GALNT18: variants seen among roughly 807,000 people sequenced by gnomAD.
The protein encoded by GALNT18 is GalNAc-transferase 18.
Under a neutral mutation model 69.5 loss-of-function variants are expected in GALNT18, and 44 were observed. The observed-to-expected ratio is 0.63, with a 90% confidence interval of 0.50 to 0.81. The LOEUF (loss-of-function observed/expected upper bound fraction) is 0.81, where lower values mean the gene tolerates loss of function less well. Among genes scored for constraint, GALNT18 ranks in the 40% least tolerant of loss-of-function variants. The pLI is 0.00. For synonymous variants in GALNT18, 364 were observed against 318.2 expected, an observed-to-expected ratio of 1.14 and a Z score of -1.53; for missense variants, 715 against 810.0, an observed-to-expected ratio of 0.88 and a Z score of 1.42.
intron 1 of GALNT18, among the ~76,000 whole-genome samples, chr11:11,483,387 G>A (rs1856574754): frequency 6.6e-6 from 1 of 152,214 alleles, no homozygotes; most frequent in Non-Finnish European, 1.5e-5. Context: ...CAGCTCTGAA[G>A]TCTCCTCATC....
In GALNT18 at chr11:11,604,801, A is replaced by C. The variant is rs952551674; in HGVS notation, c.235+16558T>G. 2.0e-5 allele frequency among the ~76,000 whole-genome samples: 3 copies of C among 152,114 alleles called. No homozygotes were observed. The highest frequency in any genetic ancestry group is 7.2e-5 in the African/African-American group (3 of 41,410). On this transcript the variant is annotated intron_variant, in intron 1 of 10. Coordinates refer to ENST00000227756, the MANE Select transcript of GALNT18 (RefSeq NM_198516.3). This position sits in a 1 kb window ranked among gnomAD's most constrained non-coding sequence, Gnocchi z 5.6. The stretch of plus-strand genomic sequence containing the variant: ...CTAGCTCAGCCATGCAGGGAGGCAT[A>C]ATTAGTTTCCCGGCCCATAGCTTCA...
chr11:11,414,670 T>C (rs1436423033), intron 3 of GALNT18, among the ~76,000 whole-genome samples: 1 of 152,232 alleles, frequency 6.6e-6, no homozygotes, highest in Non-Finnish European at 1.5e-5. Flanking sequence ...TTGTTTCTTG[T>C]CTGTCTCCCA....
chr11:11,527,358 C>A (rs1218811350), intron 1 of GALNT18, among the ~76,000 whole-genome samples: 1 of 152,210 alleles, frequency 6.6e-6, no homozygotes, highest in Non-Finnish European at 1.5e-5. Context: ...TTTACCCCTG[C>A]AGATACTTGT....
rs1385484675 is a variant in GALNT18, at chr11:11,372,393, T to C, written c.1092+122A>G. 9 of 739,430 alleles carry C rather than the reference T, an allele frequency of 1.2e-5. No homozygotes were observed. The highest frequency in any genetic ancestry group is 2.1e-5 in the Non-Finnish European group (9 of 430,878). 45.8% of individuals were successfully genotyped at this position (739,430 alleles called of 1,614,324 possible). ...TCCCAATCCCAATCACACACAGGAT[T>C]CAGGACTGGACATTCAGAATCAGTC... On this transcript the variant is annotated intron_variant, in intron 6 of 10. Coordinates refer to ENST00000227756, the MANE Select transcript of GALNT18 (RefSeq NM_198516.3). The surrounding 1 kb of genome is among the most constrained non-coding windows in gnomAD (Gnocchi z 4.9).
chr11:11,593,449 C>T (rs745346072), intron 1 of GALNT18, among the ~76,000 whole-genome samples: 3 of 152,216 alleles, frequency 2.0e-5, no homozygotes, highest in Non-Finnish European at 2.9e-5. Context: ...TACTATGAAG[C>T]TTGGCCTTCC....
At chr11:11,280,666 C>T (rs146085061) in intron 10 of GALNT18, among the ~76,000 whole-genome samples, 1 of 152,150 alleles carries the variant, frequency 6.6e-6, no homozygotes, top group Non-Finnish European at 1.5e-5. Flanking sequence ...ACTGGTTGCC[C>T]TCCTTTGAAC....
chr11:11,519,857 A>T (rs1857356471), intron 1 of GALNT18, among the ~76,000 whole-genome samples: 1 of 152,172 alleles, frequency 6.6e-6, no homozygotes, highest in African/African-American at 2.4e-5. Context: ...CAGGTATATA[A>T]AGTCTGTGGG....
chr11:11,329,407 G>T (rs1849980741), intron 8 of GALNT18, among the ~76,000 whole-genome samples: 1 of 152,144 alleles, frequency 6.6e-6, no homozygotes, highest in African/African-American at 2.4e-5. Flanking sequence ...TGAAGGAACT[G>T]TGGTGTAGTA....
Position 11,279,598 on chromosome 11 carries a change from T to TTGATAA in GALNT18, c.1678-8309_1678-8308insTTATCA, listed in dbSNP as rs1288973677. 7.0e-3 allele frequency among the ~76,000 whole-genome samples: 597 copies of TTGATAA among 85,348 alleles called. 7 individuals are homozygous for TTGATAA. The highest frequency in any genetic ancestry group is 0.019 in the African/African-American group (559 of 29,506). 56.0% of individuals were successfully genotyped at this position (85,348 alleles called of 152,430 possible). On this transcript the variant is annotated intron_variant, in intron 10 of 10. Transcript: ENST00000227756. ...ATAGCAACAAAAACTATAGCTATAC[T>TTGATAA]CGATAAATCTCACCAATACAATGTC...
chr11:11,561,595 G>C (rs183891931), intron 1 of GALNT18, among the ~76,000 whole-genome samples: 1 of 152,216 alleles, frequency 6.6e-6, no homozygotes, highest in Non-Finnish European at 1.5e-5. Context: ...GGAAAGGCTC[G>C]TTGACCTCAT....
At chr11:11,512,730 T>A (rs927274565) in intron 1 of GALNT18, among the ~76,000 whole-genome samples, 1 of 152,226 alleles carries the variant, frequency 6.6e-6, no homozygotes, top group African/African-American at 2.4e-5. Flanking sequence ...TGGCGGCACC[T>A]GAGGCCTGGG....
intron 1 of GALNT18, among the ~76,000 whole-genome samples, chr11:11,477,812 T>C (rs572587731): frequency 6.6e-5 from 10 of 152,208 alleles, no homozygotes; most frequent in Admixed American, 2.6e-4. Context: ...ATAACAAAGA[T>C]ACAGATGCTT....
At chr11:11,549,565 G>C (rs1275563839) in intron 1 of GALNT18, among the ~76,000 whole-genome samples, 2 of 152,214 alleles carry the variant, frequency 1.3e-5, no homozygotes, top group African/African-American at 4.8e-5. Context: ...GGCCACCTTG[G>C]TCCTTAAGTG....
chr11:11,502,121 G>A (rs903766592), intron 1 of GALNT18, among the ~76,000 whole-genome samples: 2 of 149,668 alleles, frequency 1.3e-5, no homozygotes, highest in Admixed American at 6.7e-5. Context: ...CTCGTTTGAG[G>A]ATAAAGTGCC....
At position 11,340,781 on chromosome 11, in the gene GALNT18, C is replaced by A. The variant is rs751358045; in HGVS notation, c.1278+38G>T. On this transcript the variant is annotated intron_variant, in intron 7 of 10. Coordinates refer to ENST00000227756, the MANE Select transcript of GALNT18 (RefSeq NM_198516.3). This position sits in a 1 kb window ranked among gnomAD's most constrained non-coding sequence, Gnocchi z 4.2. ...ATATCTTGTTTTGTTTGTTTTCCAC[C>A]AATCCCCGAGAAACTCATCCCTACC... The A allele has an allele frequency of 4.5e-6, 7 of 1,552,562 alleles. No individual in the cohort carries two copies. Among genetic ancestry groups the A allele is most frequent in the South Asian group, 2.4e-5 (2 of 82,832 alleles).
chr11:11,493,523 T>G (rs1171579457), intron 1 of GALNT18, among the ~76,000 whole-genome samples: 2 of 152,120 alleles, frequency 1.3e-5, no homozygotes, highest in Non-Finnish European at 2.9e-5. Flanking sequence ...TAGCCAATAT[T>G]GAGGAATTGT....
intron 9 of GALNT18, among the ~76,000 whole-genome samples, chr11:11,293,533 C>T (rs1020008611): frequency 1.0e-3 from 81 of 80,186 alleles, no homozygotes; most frequent in African/African-American, 3.7e-3. Flanking sequence ...ACAAACCCCT[C>T]TTTTTTTTTT....
chr11:11,352,698 A>T (rs1850439334), intron 6 of GALNT18: 1 of 1,614,154 alleles, frequency 6.2e-7, no homozygotes, highest in Non-Finnish European at 8.5e-7. Flanking sequence ...CAGGGCCTTC[A>T]GAATCTCATA....
intron 6 of GALNT18, among the ~76,000 whole-genome samples, chr11:11,350,408 C>G (rs1051583089): frequency 1.3e-5 from 2 of 152,176 alleles, no homozygotes; most frequent in African/African-American, 4.8e-5. Context: ...CCAAGAAGGG[C>G]TTATTCGTGG....
Sources: gnomAD v4.1 joint callset for allele counts (sites outside exome capture counted in the v4.1 genomes callset) on GRCh38, gnomAD v4.1.1 for gene constraint, Gnocchi (gnomAD v3.1) non-coding constraint, MANE v1.5 for transcripts, NCBI Gene and HGNC (gene_info 2026-07-23, HGNC 2026-07-21) for gene names.